The following NTN1 variants were observed in gnomAD, a reference collection of about 807,000 sequenced individuals.
The protein encoded by NTN1 is netrin 1, also known as netrin-1.
NTN1 carries 11 observed loss-of-function variants against 54.2 expected under a neutral mutation model. The observed-to-expected ratio is 0.20, with a 90% CI of 0.13 to 0.34. The LOEUF (loss-of-function observed/expected upper bound fraction) is 0.34. Ranked by LOEUF, NTN1 falls within the 10% of genes least tolerant of loss-of-function variation. NTN1 has a pLI of 1.00. For synonymous variants in NTN1, 371 were observed against 382.0 expected, an observed-to-expected ratio of 0.97 and a Z score of 0.33; for missense variants, 740 against 893.1, an observed-to-expected ratio of 0.83 and a Z score of 2.18.
intron 2 of NTN1, among the ~76,000 whole-genome samples, chr17:9,083,531 A>G (rs2092079415): frequency 6.6e-6 from 1 of 152,260 alleles, no homozygotes; most frequent in Non-Finnish European, 1.5e-5. Context: ...CTAATGAAGC[A>G]TGAAGGGACA....
chr17:9,227,718 ACC>A, intron 6 of NTN1, among the ~76,000 whole-genome samples: 2 of 151,240 alleles, frequency 1.3e-5, no homozygotes, highest in African/African-American at 2.4e-5. Context: ...ACGCACACAC[ACC>A]ACACACATCA....
At chr17:9,004,945 C>G in the NTN1 span, among the ~76,000 whole-genome samples, 1 of 152,208 alleles carries the variant, frequency 6.6e-6, no homozygotes, top group Non-Finnish European at 1.5e-5. Context: ...AATCTCCGTA[C>G]TACTCATCAA....
At chr17:9,232,771 A>C (rs1400807206) in intron 6 of NTN1, among the ~76,000 whole-genome samples, 1 of 152,038 alleles carries the variant, frequency 6.6e-6, no homozygotes, top group Non-Finnish European at 1.5e-5. Context: ...CCCCTCTCCC[A>C]CACTCCCCGG....
Position 9,022,718 on chromosome 17 carries a change from C to G in NTN1, c.345C>G (p.His115Gln). 1 of 1,604,520 alleles carries G rather than the reference C, an allele frequency of 6.2e-7. No individual in the cohort carries two copies. Among genetic ancestry groups the G allele is most frequent in the Non-Finnish European group, 8.5e-7 (1 of 1,176,324 alleles). Residue 115 changes from histidine (H) to glutamine (Q), a missense_variant, in exon 2 of 7, where the codon CAC becomes CAG. Physicochemically the swap from His to Gln is conservative, Grantham distance 24 (BLOSUM62 0). Transcript: ENST00000173229. ...PAFLTDLNNP[H>Q]NLTCWQSENY... ...TCCTCACCGACCTCAACAACCCGCA[C>G]AACCTGACGTGCTGGCAGTCCGAGA...
chr17:9,134,243 G>C (rs1478968547), intron 2 of NTN1, among the ~76,000 whole-genome samples: 2 of 152,104 alleles, frequency 1.3e-5, no homozygotes, highest in Non-Finnish European at 2.9e-5. Flanking sequence ...TCATAAACAG[G>C]ATTCCCTTAG....
chr17:9,145,916 C>CAAAAAA (rs60504172), intron 2 of NTN1, among the ~76,000 whole-genome samples: 1 of 89,014 alleles, frequency 1.1e-5, no homozygotes, highest in African/African-American at 4.3e-5. Flanking sequence ...GACTCCATCT[C>CAAAAAA]AAAAAAAAAA....
At chr17:9,206,535 A>G (rs1904973341) in intron 5 of NTN1, among the ~76,000 whole-genome samples, 1 of 152,040 alleles carries the variant, frequency 6.6e-6, no homozygotes, top group Admixed American at 6.6e-5. Flanking sequence ...GCCCCCTCCC[A>G]GAAGTCCACC....
intron 5 of NTN1, among the ~76,000 whole-genome samples, chr17:9,210,451 CA>C (rs55888861): frequency 0.48 from 50,543 of 106,128 alleles, 8,914 homozygotes; most frequent in African/African-American, 0.54. Flanking sequence ...CACCCACACA[CA>C]CACACACACA....
At chr17:9,167,444 G>A (rs975986982) in intron 3 of NTN1, among the ~76,000 whole-genome samples, 3 of 152,086 alleles carry the variant, frequency 2.0e-5, no homozygotes, top group Non-Finnish European at 2.9e-5. Context: ...GGAGTCTCCC[G>A]TGAACCGAAT....
intron 3 of NTN1, among the ~76,000 whole-genome samples, chr17:9,170,767 C>T (rs1194397764): frequency 6.6e-6 from 1 of 152,084 alleles, no homozygotes; most frequent in East Asian, 1.9e-4. Flanking sequence ...CTGAGCTGGC[C>T]TGAGCTGCCT....
chr17:9,186,833 G>A lies in NTN1; in HGVS notation c.1411+3864G>A, dbSNP rs567647086. On this transcript the variant is annotated intron_variant, in intron 5 of 6. Transcript: ENST00000173229. ...CTGGATAAGCATGGATTATTCTCTT[G>A]TTTAGGCTTTTGTTTGCCAAGATAG... 3.7e-4 allele frequency among the ~76,000 whole-genome samples: 56 copies of A among 152,320 alleles called. 2 individuals carry two copies. The South Asian group carries it at 5.4e-3, about 15-fold the overall frequency.
At chr17:9,201,594 G>A (rs796528202) in intron 5 of NTN1, among the ~76,000 whole-genome samples, 10 of 152,324 alleles carry the variant, frequency 6.6e-5, no homozygotes, top group African/African-American at 2.4e-4. Flanking sequence ...GGCCTCCCTT[G>A]TAGGAGAAAG....
chr17:9,054,094 A>G (rs1454245567), intron 2 of NTN1, among the ~76,000 whole-genome samples: 1 of 152,174 alleles, frequency 6.6e-6, no homozygotes, highest in Non-Finnish European at 1.5e-5. Context: ...CGAGGCTGCC[A>G]TGAAAAAGGA....
chr17:9,241,660 C>G lies in NTN1; in HGVS notation c.*1692C>G, dbSNP rs1906219620. ...TTCCCTCCGCCTTCCCCACATTTAC[C>G]CGCATCACGGCTGCCATTTATTGAG... On this transcript the variant is annotated 3_prime_UTR_variant, in exon 7 of 7. Coordinates refer to ENST00000173229, the MANE Select transcript of NTN1 (RefSeq NM_004822.3). 1 of 152,482 alleles carries G rather than the reference C, an allele frequency of 6.6e-6. No homozygotes were observed. The highest frequency in any genetic ancestry group is 1.5e-5 in the Non-Finnish European group (1 of 68,228). 9.4% of individuals were successfully genotyped at this position (152,482 alleles called of 1,614,324 possible).
At chr17:9,031,477 A>G (rs2091888214) in intron 2 of NTN1, among the ~76,000 whole-genome samples, 5 of 152,220 alleles carry the variant, frequency 3.3e-5, no homozygotes, top group South Asian at 2.1e-4. Context: ...TAGACTCCTC[A>G]ATATAACTCC....
At chr17:9,126,081 C>A (rs867751132) in intron 2 of NTN1, among the ~76,000 whole-genome samples, 2 of 152,214 alleles carry the variant, frequency 1.3e-5, no homozygotes, top group Admixed American at 6.5e-5. Context: ...GAATGAACGA[C>A]GCATGGGGTG....
At chr17:9,117,907 T>TCTGC (rs1262133720) in intron 2 of NTN1, among the ~76,000 whole-genome samples, 1 of 151,900 alleles carries the variant, frequency 6.6e-6, no homozygotes, top group Admixed American at 6.6e-5. Flanking sequence ...AGAGGTACCA[T>TCTGC]CTGCCACCTT....
Position 9,221,516 on chromosome 17 carries a change from C to T in NTN1, c.1486+274C>T, listed in dbSNP as rs371287622. ...GGCTGGCCTCTGGCTTTGACTCTGC[C>T]GCTGATGGGCTGTGTGGCCACAGAC... On this transcript the variant is annotated intron_variant, in intron 6 of 6. Coordinates refer to ENST00000173229, the MANE Select transcript of NTN1 (RefSeq NM_004822.3). The surrounding 1 kb of genome is among the most constrained non-coding windows in gnomAD (Gnocchi z 4.5). Among the ~76,000 whole-genome samples, 4 of 152,220 alleles carry T rather than the reference C, an allele frequency of 2.6e-5. No individual in the cohort carries two copies. In the South Asian group the frequency reaches 6.2e-4, roughly 24 times the overall value.
chr17:9,213,192 C>A (rs918484958), intron 5 of NTN1, among the ~76,000 whole-genome samples: 1 of 152,228 alleles, frequency 6.6e-6, no homozygotes, highest in Non-Finnish European at 1.5e-5. Flanking sequence ...GCGAGCCAGG[C>A]AGATGGTGGC....
Sources: gnomAD v4.1 joint callset for allele counts (sites outside exome capture counted in the v4.1 genomes callset) on GRCh38, gnomAD v4.1.1 for gene constraint, Gnocchi (gnomAD v3.1) non-coding constraint, MANE v1.5 for transcripts, NCBI Gene and HGNC (gene_info 2026-07-23, HGNC 2026-07-21) for gene names.